Variants in MIER2 observed in about 807,000 individuals in gnomAD.
The protein encoded by MIER2 is MIER family member 2, also known as mesoderm induction early response protein 2.
MIER2 carries 30 observed loss-of-function variants against 67.6 expected under a neutral mutation model. The ratio of observed to expected loss-of-function variants is 0.44; its 90% confidence interval spans 0.33 to 0.60. MIER2 has a LOEUF of 0.60. Among genes scored for constraint, MIER2 ranks in the 20% least tolerant of loss-of-function variants. MIER2 has a pLI of 0.02. For missense variants in MIER2, 702 were observed against 745.1 expected, an observed-to-expected ratio of 0.94 and a Z score of 0.67; for synonymous variants, 372 against 312.6, an observed-to-expected ratio of 1.19 and a Z score of -2.00.
Position 310,074 on chromosome 19 carries a change from G to A in MIER2, c.985-1149C>T, listed in dbSNP as rs182550663. On this transcript the variant is annotated intron_variant, in intron 10 of 13. Coordinates refer to ENST00000264819, the MANE Select transcript of MIER2 (RefSeq NM_017550.3). ...CACGCACACAAGGCTTCAGGGACAC[G>A]AGAAGGGACACACAGCAAGTGTGTT... 4.7e-5 allele frequency among the ~76,000 whole-genome samples: 7 copies of A among 148,890 alleles called. 1 individual carries two copies. The highest frequency in any genetic ancestry group is 1.8e-4 in the African/African-American group (7 of 38,334).
At chr19:344,208 G>C in intron 1 of MIER2, 1 of 985,406 alleles carries the variant, frequency 1.0e-6, no homozygotes, top group Non-Finnish European at 1.2e-6. Context: ...CCTGCGCCCA[G>C]TTCGCGCCAG....
chr19:306,412 G>A lies in MIER2; in HGVS notation c.*278C>T, dbSNP rs1388713199. On this transcript the variant is annotated 3_prime_UTR_variant, in exon 14 of 14. Transcript: ENST00000264819. ...CAACGGCGGGGTCTCTTCTGTCCCC[G>A]GCTGCCCGACGGATCCCACGTGCAG... The A allele has an allele frequency of 2.2e-5, 13 of 580,232 alleles. No individual in the cohort carries two copies. The highest frequency in any genetic ancestry group is 1.2e-4 in the Admixed American group (4 of 32,724). The allele number at this position is 580,232 out of a possible 1,614,324, so 35.9% of individuals were successfully genotyped here. A position where few individuals can be genotyped will look rare whatever the true frequency, so the allele number is the denominator to read the frequency against.
At chr19:313,858 C>T (rs1971125104) in intron 7 of MIER2, among the ~76,000 whole-genome samples, 1 of 152,182 alleles carries the variant, frequency 6.6e-6, no homozygotes, top group Admixed American at 6.5e-5. Flanking sequence ...AGGCTCTGGG[C>T]ACCACACACA....
At chr19:341,450 C>A (rs1175142302) in intron 1 of MIER2, among the ~76,000 whole-genome samples, 1 of 152,094 alleles carries the variant, frequency 6.6e-6, no homozygotes, top group African/African-American at 2.4e-5. Flanking sequence ...CGGCTGGGAA[C>A]GGCAGAAAGG....
At chr19:312,150 G>A in intron 9 of MIER2, 41 bp downstream of exon 9, 1 of 1,484,208 alleles carries the variant, frequency 6.7e-7, no homozygotes, top group Non-Finnish European at 9.2e-7. Flanking sequence ...CAGTGCCCAG[G>A]GCGGGGCCGC....
intron 1 of MIER2, chr19:343,728 G>A (rs777364283): frequency 4.3e-5 from 26 of 598,516 alleles, no homozygotes; most frequent in Non-Finnish European, 5.5e-5. Context: ...GAGTCTGCCC[G>A]CCTGTCGTAA....
At position 306,611 on chromosome 19, in the gene MIER2, G is replaced by T; in HGVS notation, c.*79C>A. On this transcript the variant is annotated 3_prime_UTR_variant, in exon 14 of 14. Transcript: ENST00000264819. ...CCAAGGCCCGGGGGGTGGGGAAGGG[G>T]TCAGGAAGACTGACAGAGGCGGGCC... 6.5e-7 allele frequency: 1 copy of T among 1,537,166 alleles called. No individual in the cohort carries two copies. The highest frequency in any genetic ancestry group is 8.8e-7 in the Non-Finnish European group (1 of 1,134,720).
intron 2 of MIER2, 132 bp downstream of exon 2, chr19:335,951 G>T: frequency 1.2e-6 from 1 of 817,672 alleles, no homozygotes. Context: ...TGAACGGGTG[G>T]GAGCTGGGAC....
chr19:326,192 G>C (rs922270483), intron 6 of MIER2, among the ~76,000 whole-genome samples: 1 of 151,916 alleles, frequency 6.6e-6, no homozygotes, highest in African/African-American at 2.4e-5. Flanking sequence ...TGGGATGCCA[G>C]GTTGGAGACA....
At chr19:319,062 A>AG (rs1006360252) in intron 7 of MIER2, among the ~76,000 whole-genome samples, 4 of 149,248 alleles carry the variant, frequency 2.7e-5, no homozygotes, top group Non-Finnish European at 6.0e-5. Flanking sequence ...TCTCAAAAAA[A>AG]AAAAAAAAAT....
rs559797725 is a variant in MIER2 at position 306,249 on chromosome 19, G to A, written c.*441C>T. On this transcript the variant is annotated 3_prime_UTR_variant, in exon 14 of 14. Coordinates refer to ENST00000264819, the MANE Select transcript of MIER2 (RefSeq NM_017550.3). ...GCCGGGTGTGGAGAGACAGAGCCAA[G>A]CAGGGAGCTGAGGGCGCCCCGGCGG... The A allele has an allele frequency of 2.9e-4, 58 of 196,828 alleles. No individual in the cohort carries two copies. Among genetic ancestry groups the A allele is most frequent in the Admixed American group, 1.1e-3 (19 of 17,292 alleles). The allele number at this position is 196,828 out of a possible 1,614,324, so 12.2% of individuals were successfully genotyped here. A position where few individuals can be genotyped will look rare whatever the true frequency, so the allele number is the denominator to read the frequency against.
chr19:325,773 C>G, intron 6 of MIER2, 69 bp from the exon 7 acceptor site: 1 of 1,567,172 alleles, frequency 6.4e-7, no homozygotes, highest in Non-Finnish European at 8.8e-7. Flanking sequence ...CTGGCTGCAG[C>G]GTGCTGTGGC....
chr19:306,514 A>G lies in MIER2; in HGVS notation c.*176T>C, dbSNP rs1970655915. On this transcript the variant is annotated 3_prime_UTR_variant, in exon 14 of 14. Transcript: ENST00000264819. ...GGCCGTGGGTCCATTCTGTGTGGAC[A>G]GGGGCAAGGGCTCACGGCCCAGCCA... 2 of 848,034 alleles carry G rather than the reference A, an allele frequency of 2.4e-6. No homozygotes were observed. Among genetic ancestry groups the G allele is most frequent in the Middle Eastern group, 3.6e-4 (1 of 2,794 alleles). The allele number at this position is 848,034 out of a possible 1,614,324, so 52.5% of individuals were successfully genotyped here.
chr19:327,967 T>G lies in MIER2; in HGVS notation c.266A>C (p.Glu89Ala), dbSNP rs1417611107. The change falls in exon 4 of 14, where the codon GAG becomes GCG. Residue 89 changes from glutamate (E) to alanine (A), a missense_variant. By Grantham distance (107) the Glu-to-Ala change is moderately radical. Coordinates refer to ENST00000264819, the MANE Select transcript of MIER2 (RefSeq NM_017550.3). Reference protein sequence around the residue: ...ISQSNDMPFDELLALYGYEAS... With the variant: ...ISQSNDMPFDALLALYGYEAS... The stretch of plus-strand genomic sequence containing the variant: ...CTCGTAGCCATAGAGCGCAAGCAGC[T>G]CATCAAAGGGCATGTCGTTGCTCTG... The G allele has an allele frequency of 6.2e-7, 1 of 1,613,018 alleles. No individual in the cohort carries two copies. Among genetic ancestry groups the G allele is most frequent in the Admixed American group, 1.7e-5 (1 of 59,920 alleles).
At chr19:310,709 G>A (rs1970953635) in intron 10 of MIER2, among the ~76,000 whole-genome samples, 2 of 150,682 alleles carry the variant, frequency 1.3e-5, no homozygotes, top group Admixed American at 6.6e-5. Flanking sequence ...ACGGCCCGGA[G>A]CTATAGGAAC....
At position 313,492 on chromosome 19, in the gene MIER2, C is replaced by A; in HGVS notation, c.807G>T (p.Gln269His). The change falls in exon 8 of 14, where the codon CAG (glutamine) becomes CAT (histidine). Residue 269 changes from glutamine to histidine, a missense_variant and splice_region_variant. This residue lies in a region of MIER2 where 128 missense variants were observed against 189.7 expected (regional missense o/e 0.67). Coordinates refer to ENST00000264819, the MANE Select transcript of MIER2 (RefSeq NM_017550.3). ...CTGTCCCCGGCATGGCAGCCCCCACCTGCTCACTGTCTTTCACGGCTTCTC... is the reference window on the plus strand; with the variant it reads ...CTGTCCCCGGCATGGCAGCCCCCACATGCTCACTGTCTTTCACGGCTTCTC... ...PEGEAVKDSEQALYELVKCNF... is the reference protein window; with the variant it reads ...PEGEAVKDSEHALYELVKCNF... 1 of 1,611,086 alleles carries A rather than the reference C, an allele frequency of 6.2e-7. No homozygotes were observed. The highest frequency in any genetic ancestry group is 8.5e-7 in the Non-Finnish European group (1 of 1,179,666).
intron 6 of MIER2, among the ~76,000 whole-genome samples, chr19:326,076 G>C (rs1600149620): frequency 6.6e-6 from 1 of 152,262 alleles, no homozygotes; most frequent in Admixed American, 6.5e-5. Flanking sequence ...CCCAGGGAGA[G>C]GGCTCAGCAG....
chr19:316,137 C>CA (rs1201848423), intron 7 of MIER2, among the ~76,000 whole-genome samples: 4 of 151,960 alleles, frequency 2.6e-5, no homozygotes, highest in South Asian at 4.2e-4. Context: ...GCTTTTCAGA[C>CA]AAAAAAATGC....
intron 3 of MIER2, among the ~76,000 whole-genome samples, chr19:329,535 A>G (rs1600158508): frequency 6.6e-6 from 1 of 152,320 alleles, no homozygotes; most frequent in South Asian, 2.1e-4. Context: ...ATCCCTGCCC[A>G]CAAGTCACTG....
Sources: allele counts gnomAD v4.1 joint callset (sites outside exome capture counted in the v4.1 genomes callset), GRCh38; gene constraint gnomAD v4.1.1; regional missense constraint gnomAD v4.1.1; transcripts MANE v1.5; gene names NCBI Gene and HGNC (gene_info 2026-07-23, HGNC 2026-07-21).